Variants in NDUFAF6 observed in about 807,000 individuals in gnomAD.
The protein encoded by NDUFAF6 is NADH:ubiquinone oxidoreductase complex assembly factor 6, also known as NADH dehydrogenase (ubiquinone) complex I, assembly factor 6.
Under a neutral mutation model 40.8 loss-of-function variants are expected in NDUFAF6, and 45 were observed. The ratio of observed to expected loss-of-function variants is 1.10; its 90% CI spans 0.87 to 1.42. The LOEUF is 1.42. Ranked by LOEUF, NDUFAF6 falls within the 40% of genes most tolerant of loss-of-function variation. NDUFAF6 has a pLI of 0.00. For missense variants in NDUFAF6, 435 were observed against 418.5 expected, an observed-to-expected ratio of 1.04 and a Z score of -0.34; for synonymous variants, 185 against 155.9, an observed-to-expected ratio of 1.19 and a Z score of -1.39.
At chr8:94,905,706 G>T (rs1818350948) in intron 1 of NDUFAF6, among the ~76,000 whole-genome samples, 1 of 152,142 alleles carries the variant, frequency 6.6e-6, no homozygotes, top group South Asian at 2.1e-4. Context: ...TAGTGTTCTT[G>T]CCCTCTTCCT....
downstream of NDUFAF6, among the ~76,000 whole-genome samples, chr8:95,063,512 G>A (rs1296010317): frequency 6.6e-6 from 1 of 152,092 alleles, no homozygotes; most frequent in Non-Finnish European, 1.5e-5. Context: ...TAGGAGAATC[G>A]CTTGAACCCA....
intron 7 of NDUFAF6, 92 bp downstream of exon 7, chr8:95,048,650 G>C (rs1475894850): frequency 8.6e-6 from 8 of 925,162 alleles, no homozygotes; most frequent in Non-Finnish European, 1.4e-5. Context: ...TCCCAACTTG[G>C]CAGTCTTTTT....
downstream of NDUFAF6, among the ~76,000 whole-genome samples, chr8:95,104,856 C>G (rs1809771104): frequency 6.6e-6 from 1 of 152,062 alleles, no homozygotes; most frequent in Admixed American, 6.5e-5. Context: ...TGTGGCCTGG[C>G]TGGGAAAGAT....
downstream of NDUFAF6, among the ~76,000 whole-genome samples, chr8:95,076,510 C>T (rs571813893): frequency 5.3e-5 from 8 of 152,280 alleles, no homozygotes; most frequent in Admixed American, 1.3e-4. Context: ...TCTTTCTCTT[C>T]GTCTTTTTCT....
At chr8:94,956,105 G>T (rs188940903), upstream of NDUFAF6, among the ~76,000 whole-genome samples, 1 of 152,302 alleles carries the variant, frequency 6.6e-6, no homozygotes, top group East Asian at 1.9e-4. Context: ...ACCTCTCTTA[G>T]CCTCCATTTC....
intron 3 of NDUFAF6, among the ~76,000 whole-genome samples, chr8:95,036,911 T>A (rs903942343): frequency 8.5e-5 from 13 of 152,222 alleles, no homozygotes; most frequent in Admixed American, 6.5e-4. Flanking sequence ...ATGCAGGTCA[T>A]GTTCAGTGCA....
chr8:95,082,230 A>C (rs1808894531), intron 2 of NDUFAF6, among the ~76,000 whole-genome samples: 1 of 151,994 alleles, frequency 6.6e-6, no homozygotes, highest in Non-Finnish European at 1.5e-5. Context: ...TAATCCCAGC[A>C]CTTTGGGAGG....
intron 4 of NDUFAF6, among the ~76,000 whole-genome samples, chr8:95,112,716 CCTCCATG>C (rs1810032864): frequency 6.6e-6 from 1 of 152,194 alleles, no homozygotes; most frequent in Non-Finnish European, 1.5e-5. Context: ...CCCTCCTGTC[CCTCCATG>C]CTCCTGCCGA....
exon 6 of NDUFAF6, chr8:95,116,280 T>C (rs1300893433): frequency 6.6e-6 from 1 of 151,408 alleles, no homozygotes; most frequent in East Asian, 1.9e-4. Flanking sequence ...ATGCCGCAGA[T>C]GGTGATTTGT....
intron 4 of NDUFAF6, among the ~76,000 whole-genome samples, chr8:95,111,937 T>G (rs1484202635): frequency 6.6e-6 from 1 of 152,208 alleles, no homozygotes; most frequent in Non-Finnish European, 1.5e-5. Context: ...TGTCCCTGCT[T>G]CCAGTATGGT....
chr8:95,024,912 C>T, upstream of NDUFAF6: 1 of 1,101,968 alleles, frequency 9.1e-7, no homozygotes, highest in Non-Finnish European at 1.2e-6. Flanking sequence ...GCTGCCTTCC[C>T]GCGACTCAAA....
chr8:94,960,538 A>G (rs947208360), intron 1 of NDUFAF6, among the ~76,000 whole-genome samples: 11 of 152,206 alleles, frequency 7.2e-5, no homozygotes, highest in Non-Finnish European at 8.8e-5. Flanking sequence ...ACAATAAAGG[A>G]TGGATGCCTT....
chr8:94,998,006 C>T (rs892460203), intron 2 of NDUFAF6, among the ~76,000 whole-genome samples: 2 of 152,104 alleles, frequency 1.3e-5, no homozygotes, highest in Admixed American at 1.3e-4. Context: ...CCTCTTACAC[C>T]TGGGCTGCTC....
chr8:94,940,162 C>G (rs1278663829), intron 1 of NDUFAF6: 2 of 1,614,148 alleles, frequency 1.2e-6, no homozygotes, highest in Middle Eastern at 3.3e-4. Context: ...CAGTAGGTGA[C>G]TCTTCACTGA....
intron 2 of NDUFAF6, among the ~76,000 whole-genome samples, chr8:94,983,337 T>C (rs1297195087): frequency 1.4e-5 from 2 of 144,884 alleles, no homozygotes. Flanking sequence ...CTATCTTGGC[T>C]CACCGCAATC....
intron 8 of NDUFAF6, among the ~76,000 whole-genome samples, chr8:95,054,436 C>CT (rs59359540): frequency 2.5e-4 from 33 of 132,166 alleles, no homozygotes; most frequent in African/African-American, 5.6e-4. Context: ...TCAGCTTCTG[C>CT]TTTTTTTTTT....
intron 2 of NDUFAF6, among the ~76,000 whole-genome samples, chr8:95,082,702 C>G (rs1244140353): frequency 6.6e-6 from 1 of 152,120 alleles, no homozygotes; most frequent in Non-Finnish European, 1.5e-5. Flanking sequence ...CTCTGTCGCC[C>G]AGGCTGGAGT....
At chr8:95,039,352 C>A (rs1054044440) in intron 3 of NDUFAF6, among the ~76,000 whole-genome samples, 1 of 151,658 alleles carries the variant, frequency 6.6e-6, no homozygotes, top group South Asian at 2.1e-4. Flanking sequence ...ACTCGGGAGG[C>A]TGAGGCAGGA....
At chr8:95,077,681 A>G (rs1311307026), downstream of NDUFAF6, among the ~76,000 whole-genome samples, 1 of 152,212 alleles carries the variant, frequency 6.6e-6, no homozygotes, top group Non-Finnish European at 1.5e-5. Context: ...CTACTCTACC[A>G]TGACAGGAGA....
Sources: allele counts gnomAD v4.1 joint callset (sites outside exome capture counted in the v4.1 genomes callset), GRCh38; gene constraint gnomAD v4.1.1; transcripts MANE v1.5; gene names NCBI Gene and HGNC (gene_info 2026-07-23, HGNC 2026-07-21).